RNF38: variants seen among roughly 807,000 people sequenced by gnomAD.
RNF38 encodes the protein E3 ubiquitin-protein ligase RNF38.
In RNF38, 15 loss-of-function variants were observed where a neutral mutation model predicts 67.2. That is an observed-to-expected ratio of 0.22 (90% CI 0.15 to 0.34). The LOEUF is 0.34. RNF38 is among the 10% of genes least tolerant of loss of function. The probability of loss-of-function intolerance (pLI) is 1.00; values close to 1 mark genes in which losing one functional copy is unlikely to be tolerated. For synonymous variants in RNF38, 220 were observed against 218.8 expected (o/e 1.01, Z -0.05); for missense variants, 524 against 639.9 (o/e 0.82, Z 1.95).
At chr9:36,355,589 T>C (rs1262787778) in intron 6 of RNF38, among the ~76,000 whole-genome samples, 1 of 152,146 alleles carries the variant, frequency 6.6e-6, no homozygotes, top group African/African-American at 2.4e-5. Context: ...TTCTAACAAG[T>C]ATTAATAATT....
chr9:36,341,189 T>C (rs1257463814), intron 11 of RNF38, among the ~76,000 whole-genome samples: 1 of 152,208 alleles, frequency 6.6e-6, no homozygotes, highest in African/African-American at 2.4e-5. Flanking sequence ...TTTCCCACTC[T>C]TCCTCACATT....
chr9:36,414,046 G>A (rs1185283565), intron 2 of RNF38, among the ~76,000 whole-genome samples: 2 of 152,074 alleles, frequency 1.3e-5, no homozygotes, highest in Non-Finnish European at 2.9e-5. Context: ...TAAGGATAGC[G>A]ACTCCGGATA....
At chr9:36,466,914 A>C (rs372420567) in intron 1 of RNF38, among the ~76,000 whole-genome samples, 3 of 151,304 alleles carry the variant, frequency 2.0e-5, no homozygotes, top group Non-Finnish European at 2.9e-5. Flanking sequence ...GCGGTGGCTC[A>C]CACCTGTAAT....
At chr9:36,452,990 T>TA (rs1338234365) in intron 1 of RNF38, among the ~76,000 whole-genome samples, 2 of 152,334 alleles carry the variant, frequency 1.3e-5, no homozygotes, top group Admixed American at 6.5e-5. Context: ...TGTGTAGACT[T>TA]ACGTTTTCAA....
chr9:36,479,603 C>G (rs1040223782), intron 1 of RNF38, among the ~76,000 whole-genome samples: 27 of 152,136 alleles, frequency 1.8e-4, no homozygotes, highest in Non-Finnish European at 3.8e-4. Context: ...ATGCGATTCT[C>G]AAGACCTTAA....
At chr9:36,476,379 T>C (rs1840120893) in intron 1 of RNF38, among the ~76,000 whole-genome samples, 1 of 152,136 alleles carries the variant, frequency 6.6e-6, no homozygotes, top group Non-Finnish European at 1.5e-5. Context: ...CCCAAAGTGC[T>C]AGGATTATAG....
chr9:36,377,945 G>A (rs1264686150), intron 2 of RNF38, among the ~76,000 whole-genome samples: 1 of 151,796 alleles, frequency 6.6e-6, no homozygotes. Flanking sequence ...AACTAATCTA[G>A]TAAAAGTACA....
intron 4 of RNF38, among the ~76,000 whole-genome samples, chr9:36,362,089 G>C (rs961733925): frequency 6.6e-6 from 1 of 152,126 alleles, no homozygotes; most frequent in Non-Finnish European, 1.5e-5. Flanking sequence ...GGGCACAGTG[G>C]CTCACGCTTG....
At chr9:36,447,227 T>G (rs1232117176) in intron 1 of RNF38, among the ~76,000 whole-genome samples, 1 of 152,144 alleles carries the variant, frequency 6.6e-6, no homozygotes, top group Non-Finnish European at 1.5e-5. Context: ...ATAGCCCAAT[T>G]TTAGATGACT....
intron 1 of RNF38, among the ~76,000 whole-genome samples, chr9:36,485,959 T>A (rs76014403): frequency 0.053 from 8,113 of 152,216 alleles, 663 homozygotes; most frequent in African/African-American, 0.18. Flanking sequence ...AATAAGTGAC[T>A]GCAGACCAAT....
At chr9:36,442,137 A>T (rs1839206567) in intron 1 of RNF38, among the ~76,000 whole-genome samples, 1 of 151,770 alleles carries the variant, frequency 6.6e-6, no homozygotes, top group Non-Finnish European at 1.5e-5. Flanking sequence ...ATCACTACCA[A>T]CTCTTGCCAA....
chr9:36,475,395 G>C (rs1840100236), intron 1 of RNF38, among the ~76,000 whole-genome samples: 1 of 151,816 alleles, frequency 6.6e-6, no homozygotes, highest in South Asian at 2.1e-4. Flanking sequence ...GTCTCCCTCT[G>C]TCACCCAGGC....
intron 1 of RNF38, among the ~76,000 whole-genome samples, chr9:36,452,421 T>C (rs1002249019): frequency 2.0e-5 from 3 of 152,200 alleles, no homozygotes; most frequent in Non-Finnish European, 4.4e-5. Flanking sequence ...TTGCCTATTC[T>C]AGACATTTTT....
chr9:36,389,436 A>C (rs1452566394), intron 2 of RNF38, among the ~76,000 whole-genome samples: 1 of 152,182 alleles, frequency 6.6e-6, no homozygotes, highest in Admixed American at 6.5e-5. Context: ...AGATACAGCT[A>C]AAGTTAGATT....
At chr9:36,374,407 G>A (rs1363416059) in intron 3 of RNF38, among the ~76,000 whole-genome samples, 1 of 152,204 alleles carries the variant, frequency 6.6e-6, no homozygotes, top group Non-Finnish European at 1.5e-5. Context: ...GGTTTTTGGA[G>A]AGGGATCTTT....
chr9:36,354,515 T>C (rs1434208504), intron 6 of RNF38, among the ~76,000 whole-genome samples: 1 of 152,230 alleles, frequency 6.6e-6, no homozygotes, highest in Non-Finnish European at 1.5e-5. Context: ...TGGAACCAGT[T>C]CATTTAAATA....
intron 4 of RNF38, among the ~76,000 whole-genome samples, chr9:36,358,632 A>C (rs10814378): frequency 0.54 from 82,253 of 152,126 alleles, 23,377 homozygotes; most frequent in Non-Finnish European, 0.65. Flanking sequence ...ACACTTGCTT[A>C]ACACAGTCCT....
At chr9:36,449,435 T>C in intron 1 of RNF38, among the ~76,000 whole-genome samples, 1 of 151,562 alleles carries the variant, frequency 6.6e-6, no homozygotes, top group East Asian at 2.0e-4. Flanking sequence ...TATCTCTCTC[T>C]TTTTTTTCCT....
intron 1 of RNF38, among the ~76,000 whole-genome samples, chr9:36,472,885 CACCTGAGGTCAGG>C (rs1840029348): frequency 2.2e-5 from 1 of 46,484 alleles, no homozygotes; most frequent in East Asian, 6.6e-4. Flanking sequence ...GTGGGTGGAT[CACCTGAGGTCAGG>C]AGGTGGGTGG....
Sources: gnomAD v4.1 joint callset for allele counts (sites outside exome capture counted in the v4.1 genomes callset) on GRCh38, gnomAD v4.1.1 for gene constraint, MANE v1.5 for transcripts, NCBI Gene and HGNC (gene_info 2026-07-23, HGNC 2026-07-21) for gene names.